The following PRPSAP2 variants were observed in gnomAD, a reference collection of about 807,000 sequenced individuals.
PRPSAP2 encodes phosphoribosyl pyrophosphate synthetase associated protein 2.
PRPSAP2 carries 24 observed loss-of-function variants against 40.6 expected under a neutral mutation model. The observed-to-expected ratio is 0.59, with a 90% CI of 0.43 to 0.83. The LOEUF is 0.83. Ranked by LOEUF, PRPSAP2 falls within the 40% of genes least tolerant of loss-of-function variation. The probability of loss-of-function intolerance (pLI) is 0.00; values close to 1 mark genes in which losing one functional copy is unlikely to be tolerated. For synonymous variants in PRPSAP2, 149 were observed against 164.7 expected, an observed-to-expected ratio of 0.90 and a Z score of 0.73; for missense variants, 292 against 465.6, an observed-to-expected ratio of 0.63 and a Z score of 3.43.
intron 6 of PRPSAP2, among the ~76,000 whole-genome samples, chr17:18,880,497 C>T (rs1414303871): frequency 6.6e-6 from 1 of 152,042 alleles, no homozygotes; most frequent in African/African-American, 2.4e-5. Context: ...GCCTTGACCT[C>T]CTGGGTTCAA....
chr17:18,909,301 G>A (rs2040808042), intron 8 of PRPSAP2, among the ~76,000 whole-genome samples: 1 of 148,172 alleles, frequency 6.7e-6, no homozygotes, highest in Non-Finnish European at 1.5e-5. Flanking sequence ...GAGTGCATTG[G>A]CACTATCTCC....
chr17:18,886,307 G>A (rs2039137172), intron 7 of PRPSAP2, among the ~76,000 whole-genome samples: 3 of 152,094 alleles, frequency 2.0e-5, no homozygotes, highest in African/African-American at 7.2e-5. Flanking sequence ...AGAGTCAGAA[G>A]GAACATTCTG....
intron 1 of PRPSAP2, among the ~76,000 whole-genome samples, chr17:18,863,105 C>T (rs940206683): frequency 6.6e-6 from 1 of 152,042 alleles, no homozygotes; most frequent in African/African-American, 2.4e-5. Flanking sequence ...CAGGCATGAG[C>T]CACCGTGCCC....
intron 9 of PRPSAP2, among the ~76,000 whole-genome samples, chr17:18,912,528 G>T (rs1399856096): frequency 2.0e-5 from 3 of 152,064 alleles, no homozygotes; most frequent in Non-Finnish European, 4.4e-5. Context: ...TTAACTCCGG[G>T]TAAGTCTTAA....
chr17:18,869,858 G>GTGTGTGTGTGTA (rs1382870870), intron 4 of PRPSAP2, among the ~76,000 whole-genome samples: 1 of 148,798 alleles, frequency 6.7e-6, no homozygotes, highest in Non-Finnish European at 1.5e-5. Flanking sequence ...GTGTGTGTGT[G>GTGTGTGTGTGTA]TGTGTGTGAG....
Position 18,930,718 on chromosome 17 carries a change from C to T in PRPSAP2, c.*20C>T, listed in dbSNP as rs539200746. The T allele has an allele frequency of 8.8e-6, 14 of 1,596,402 alleles. No individual in the cohort carries two copies. The highest frequency in any genetic ancestry group is 1.2e-5 in the Non-Finnish European group (14 of 1,168,758). Reference sequence around the variant, plus strand: ...GACTGAGTTTTCCTTTAGGAAAACTCCCGAGGGCCAAACTGGAAACATAAG... The same window carrying T: ...GACTGAGTTTTCCTTTAGGAAAACTTCCGAGGGCCAAACTGGAAACATAAG... On this transcript the variant is annotated 3_prime_UTR_variant, in exon 12 of 12. Transcript: ENST00000268835.
chr17:18,922,635 T>C (rs987494636), intron 9 of PRPSAP2, among the ~76,000 whole-genome samples: 6 of 150,324 alleles, frequency 4.0e-5, no homozygotes, highest in Non-Finnish European at 8.9e-5. Flanking sequence ...GTTCTTTATA[T>C]ATTTTGGCAT....
At chr17:18,861,107 T>C (rs2036974403) in intron 1 of PRPSAP2, among the ~76,000 whole-genome samples, 1 of 152,174 alleles carries the variant, frequency 6.6e-6, no homozygotes, top group Non-Finnish European at 1.5e-5. Context: ...ATAACTCTTT[T>C]CTTGAAGCTT....
At chr17:18,865,981 A>G (rs1187893113) in intron 3 of PRPSAP2, 29 bp downstream of exon 3, 8 of 1,349,790 alleles carry the variant, frequency 5.9e-6, no homozygotes, top group Non-Finnish European at 7.8e-6. Flanking sequence ...ATTAAAATCT[A>G]TATTCATTAT....
At chr17:18,870,032 G>A (rs974846024) in intron 4 of PRPSAP2, among the ~76,000 whole-genome samples, 28 of 151,896 alleles carry the variant, frequency 1.8e-4, no homozygotes, top group African/African-American at 6.3e-4. Flanking sequence ...TGTTGTTGGT[G>A]GAGACGGGCT....
chr17:18,916,450 A>G (rs1013415438), intron 9 of PRPSAP2, among the ~76,000 whole-genome samples: 3 of 148,400 alleles, frequency 2.0e-5, no homozygotes, highest in African/African-American at 7.5e-5. Flanking sequence ...ATCTTGGCTC[A>G]CCGCAACTTC....
intron 1 of PRPSAP2, among the ~76,000 whole-genome samples, chr17:18,859,138 A>G (rs554895229): frequency 4.6e-4 from 70 of 152,270 alleles, no homozygotes; most frequent in Non-Finnish European, 8.7e-4. Context: ...GTTCTTTGAA[A>G]AGTCTTATGT....
At chr17:18,899,961 A>G (rs767271428) in intron 8 of PRPSAP2, among the ~76,000 whole-genome samples, 4 of 152,208 alleles carry the variant, frequency 2.6e-5, no homozygotes, top group Non-Finnish European at 4.4e-5. Flanking sequence ...ATCACAGCTC[A>G]CTGCAACCTC....
intron 4 of PRPSAP2, among the ~76,000 whole-genome samples, chr17:18,867,790 A>G (rs933765996): frequency 5.9e-5 from 9 of 152,288 alleles, no homozygotes; most frequent in Middle Eastern, 3.4e-3. Context: ...ACTTTTTGCT[A>G]ATTGATACAT....
intron 6 of PRPSAP2, among the ~76,000 whole-genome samples, chr17:18,880,980 C>A (rs1459588053): frequency 6.6e-6 from 1 of 151,976 alleles, no homozygotes; most frequent in Admixed American, 6.6e-5. Flanking sequence ...ATTACAGGCA[C>A]ATGCCACCAC....
rs1201159228 is a variant in PRPSAP2, at chr17:18,894,479, C to CTTTTTTTTTTTTTTT, written c.584+4606_584+4620dup. Among the ~76,000 whole-genome samples, 20 of 120,592 alleles carry CTTTTTTTTTTTTTTT rather than the reference C, an allele frequency of 1.7e-4. 1 individual carries two copies. Among genetic ancestry groups the CTTTTTTTTTTTTTTT allele is most frequent in the Non-Finnish European group, 2.1e-4 (12 of 58,452 alleles). The allele number at this position is 120,592 out of a possible 152,430, so 79.1% of individuals were successfully genotyped here. A position where few individuals can be genotyped will look rare whatever the true frequency, so the allele number is the denominator to read the frequency against. ...CGGCCCTCTGTAGCTTTTCAATAGT[C>CTTTTTTTTTTTTTTT]TTTTTTTTTTTTTTTTTTGAGACAG... is the stretch of plus-strand genomic sequence containing the variant. On this transcript the variant is annotated intron_variant, in intron 8 of 11. Transcript: ENST00000268835.
chr17:18,871,653 CTTTTTTTTTT>C (rs142523345), intron 4 of PRPSAP2, among the ~76,000 whole-genome samples: 2 of 129,784 alleles, frequency 1.5e-5, no homozygotes, highest in Admixed American at 1.6e-4. Context: ...ATATAATTTT[CTTTTTTTTTT>C]TTTTTTTTTT....
At chr17:18,880,825 G>A (rs2038675521) in intron 6 of PRPSAP2, among the ~76,000 whole-genome samples, 1 of 151,830 alleles carries the variant, frequency 6.6e-6, no homozygotes, top group Non-Finnish European at 1.5e-5. Context: ...GCTATATTAT[G>A]ACTATTTTTT....
Position 18,865,808 on chromosome 17 carries a change from A to G in PRPSAP2, c.-26A>G. 6.9e-7 allele frequency: 1 copy of G among 1,446,728 alleles called. No homozygotes were observed. Among genetic ancestry groups the G allele is most frequent in the South Asian group, 1.6e-5 (1 of 62,490 alleles). The allele number at this position is 1,446,728 out of a possible 1,614,324, so 89.6% of individuals were successfully genotyped here. A position where few individuals can be genotyped will look rare whatever the true frequency, so the allele number is the denominator to read the frequency against. ...AAGTATTATATCCTTCTAGGCTCTG[A>G]AAATTGGAAAACCAAGAAGGTTTTG... On this transcript the variant is annotated 5_prime_UTR_variant, in exon 3 of 12. Transcript: ENST00000268835.
Sources: gnomAD v4.1 joint callset for allele counts (sites outside exome capture counted in the v4.1 genomes callset) on GRCh38, gnomAD v4.1.1 for gene constraint, MANE v1.5 for transcripts, NCBI Gene and HGNC (gene_info 2026-07-23, HGNC 2026-07-21) for gene names.